The following ARL6IP6 variants were observed in gnomAD, a reference collection of about 807,000 sequenced individuals.
ARL6IP6 encodes ARF like GTPase 6 interacting protein 6.
A neutral mutation model predicts 21.5 loss-of-function variants in ARL6IP6; 22 were observed. The ratio of observed to expected loss-of-function variants is 1.02; its 90% confidence interval spans 0.73 to 1.46. The LOEUF is 1.46. ARL6IP6 is among the 40% of genes most tolerant of loss of function. The pLI, the probability that ARL6IP6 is intolerant of heterozygous loss-of-function variation, is 0.00. For missense variants in ARL6IP6, 388 were observed against 299.8 expected (o/e 1.29, Z -2.17); for synonymous variants, 164 against 125.3 (o/e 1.31, Z -2.06).
At position 152,718,670 on chromosome 2, in the gene ARL6IP6, G is replaced by C; in HGVS notation, c.46G>C (p.Gly16Arg). The C allele has an allele frequency of 6.4e-7, 1 of 1,571,984 alleles. No homozygotes were observed. The highest frequency in any genetic ancestry group is 2.3e-5 in the East Asian group (1 of 43,858). The change falls in exon 1 of 4, where the codon GGT (glycine) becomes CGT (arginine). Residue 16 changes from glycine (G) to arginine (R), a missense_variant. Coordinates refer to ENST00000326446, the MANE Select transcript of ARL6IP6 (RefSeq NM_152522.7). ...SGWRSALRRR[G>R]PGTPGPVARP... is the part of the protein sequence containing the mutation. Reference sequence around the variant, plus strand: ...GTGGCGGTCGGCTCTGCGGCGCCGCGGTCCCGGCACCCCGGGCCCTGTGGC... The same window carrying C: ...GTGGCGGTCGGCTCTGCGGCGCCGCCGTCCCGGCACCCCGGGCCCTGTGGC...
chr2:152,730,143 A>G (rs985539458), intron 2 of ARL6IP6, among the ~76,000 whole-genome samples: 1 of 152,238 alleles, frequency 6.6e-6, no homozygotes, highest in Non-Finnish European at 1.5e-5. Flanking sequence ...TGAACATAAA[A>G]TAATAAAAAT....
At chr2:152,726,412 CT>C (rs1438187420) in intron 2 of ARL6IP6, among the ~76,000 whole-genome samples, 1 of 152,204 alleles carries the variant, frequency 6.6e-6, no homozygotes, top group Admixed American at 6.5e-5. Flanking sequence ...GGAGAGAGCA[CT>C]TTCCTCTGCT....
chr2:152,728,652 G>A (rs1700155125), intron 2 of ARL6IP6, among the ~76,000 whole-genome samples: 1 of 152,114 alleles, frequency 6.6e-6, no homozygotes, highest in Non-Finnish European at 1.5e-5. Context: ...CCCTTAGATA[G>A]GTGTCTATAA....
chr2:152,755,015 T>C (rs940911105), intron 3 of ARL6IP6, among the ~76,000 whole-genome samples: 2 of 152,072 alleles, frequency 1.3e-5, no homozygotes, highest in African/African-American at 4.8e-5. Flanking sequence ...TAATCATTAG[T>C]TTGTAGCAAT....
At chr2:152,720,501 T>C (rs1699734738) in intron 1 of ARL6IP6, 32 bp from the exon 2 acceptor site, 2 of 1,604,878 alleles carry the variant, frequency 1.2e-6, no homozygotes, top group African/African-American at 2.7e-5. Context: ...ATAGTATTGC[T>C]TTCCTACCTA....
At chr2:152,741,655 A>G (rs902642854) in intron 3 of ARL6IP6, among the ~76,000 whole-genome samples, 16 of 152,206 alleles carry the variant, frequency 1.1e-4, no homozygotes, top group African/African-American at 3.6e-4. Context: ...ACTGTTATAT[A>G]TTAGATAAAT....
chr2:152,728,738 G>A (rs1429347254), intron 2 of ARL6IP6, among the ~76,000 whole-genome samples: 1 of 152,092 alleles, frequency 6.6e-6, no homozygotes, highest in Non-Finnish European at 1.5e-5. Context: ...AGTCTTAAGA[G>A]GTTTCAATTG....
intron 3 of ARL6IP6, among the ~76,000 whole-genome samples, chr2:152,754,525 A>T (rs1249881592): frequency 6.6e-6 from 1 of 152,170 alleles, no homozygotes; most frequent in Non-Finnish European, 1.5e-5. Context: ...GTTGCTATGA[A>T]CACTCAGGTA....
At chr2:152,722,344 A>G (rs886537983) in intron 2 of ARL6IP6, among the ~76,000 whole-genome samples, 7 of 152,242 alleles carry the variant, frequency 4.6e-5, no homozygotes, top group African/African-American at 1.7e-4. Flanking sequence ...TTATGGTGAA[A>G]AAAACCCAAC....
intron 3 of ARL6IP6, among the ~76,000 whole-genome samples, chr2:152,757,080 C>G (rs1245668446): frequency 6.6e-6 from 1 of 152,098 alleles, no homozygotes; most frequent in African/African-American, 2.4e-5. Flanking sequence ...CTACATACAA[C>G]ATGGATGAAT....
chr2:152,720,422 C>A, intron 1 of ARL6IP6, 111 bp from the exon 2 acceptor site: 1 of 1,026,170 alleles, frequency 9.7e-7, no homozygotes, highest in Admixed American at 2.0e-5. Flanking sequence ...GAACCCAGTT[C>A]TTTGTGACTC....
chr2:152,719,152 C>G, intron 1 of ARL6IP6, 128 bp downstream of exon 1: 4 of 1,099,850 alleles, frequency 3.6e-6, no homozygotes, highest in South Asian at 2.0e-5. Context: ...ACCCAGAGTC[C>G]TCATTTGCAT....
At chr2:152,722,531 T>C (rs1699836574) in intron 2 of ARL6IP6, among the ~76,000 whole-genome samples, 1 of 152,178 alleles carries the variant, frequency 6.6e-6, no homozygotes, top group Admixed American at 6.5e-5. Flanking sequence ...GGATAGAGAA[T>C]AGTTGTCTCT....
At chr2:152,749,424 C>G (rs1307861109) in intron 3 of ARL6IP6, among the ~76,000 whole-genome samples, 4 of 151,780 alleles carry the variant, frequency 2.6e-5, no homozygotes, top group South Asian at 2.1e-4. Flanking sequence ...TTGTTTGTTT[C>G]TTTGTTTTGG....
At position 152,762,354 on chromosome 2, in the gene ARL6IP6, T is replaced by C. The variant is rs1027032768; in HGVS notation, c.*2514T>C. ...CCAGTGGCAATCCTGCCATTCTTGA[T>C]ACGTGAGTCAATAAATTTCTGTCTT... is the stretch of plus-strand genomic sequence containing the variant. On this transcript the variant is annotated 3_prime_UTR_variant, in exon 4 of 4. Transcript: ENST00000326446. Among the ~76,000 whole-genome samples, 14 of 152,232 alleles carry C rather than the reference T, an allele frequency of 9.2e-5. No individual in the cohort carries two copies. The highest frequency in any genetic ancestry group is 3.1e-4 in the African/African-American group (13 of 41,452).
intron 2 of ARL6IP6, among the ~76,000 whole-genome samples, chr2:152,726,174 C>G (rs990072111): frequency 6.6e-6 from 1 of 151,882 alleles, no homozygotes; most frequent in Admixed American, 6.6e-5. Context: ...CCATGTGAAT[C>G]TAATGATTTA....
intron 3 of ARL6IP6, among the ~76,000 whole-genome samples, chr2:152,750,527 AGGAAGGAAAT>A (rs1462200807): frequency 6.6e-6 from 1 of 151,412 alleles, no homozygotes; most frequent in African/African-American, 2.4e-5. Context: ...GGAGGGCGGA[AGGAAGGAAAT>A]GGAAGGAAAT....
chr2:152,721,270 T>A (rs1454537485), intron 2 of ARL6IP6, among the ~76,000 whole-genome samples: 1 of 152,128 alleles, frequency 6.6e-6, no homozygotes, highest in Non-Finnish European at 1.5e-5. Context: ...CAAAAGAACT[T>A]CCTCACTATC....
At chr2:152,717,865 G>A (rs1261163357), upstream of ARL6IP6, 12 of 1,082,754 alleles carry the variant, frequency 1.1e-5, no homozygotes, top group Non-Finnish European at 2.3e-6. Flanking sequence ...AGGGGGCGGG[G>A]GTAAGCAGCC....
Sources: gnomAD v4.1 joint callset for allele counts (sites outside exome capture counted in the v4.1 genomes callset) on GRCh38, gnomAD v4.1.1 for gene constraint, MANE v1.5 for transcripts, NCBI Gene and HGNC (gene_info 2026-07-23, HGNC 2026-07-21) for gene names.